The following FAM124B variants were observed in gnomAD, a reference collection of about 807,000 sequenced individuals.
FAM124B encodes protein FAM124B.
Under a neutral mutation model 19.7 loss-of-function variants are expected in FAM124B, and 18 were observed. The ratio of observed to expected loss-of-function variants is 0.92; its 90% CI spans 0.63 to 1.36. The LOEUF (loss-of-function observed/expected upper bound fraction) is 1.36. Ranked by LOEUF, FAM124B falls within the 40% of genes most tolerant of loss-of-function variation. The probability of loss-of-function intolerance (pLI) is 0.00; values close to 1 mark genes in which losing one functional copy is unlikely to be tolerated. For synonymous variants in FAM124B, 223 were observed against 225.2 expected (o/e 0.99, Z 0.09); for missense variants, 540 against 553.3 (o/e 0.98, Z 0.24).
chr2:224,397,982 A>C (rs889337120), intron 1 of FAM124B, among the ~76,000 whole-genome samples: 2 of 152,196 alleles, frequency 1.3e-5, no homozygotes, highest in Non-Finnish European at 2.9e-5. Context: ...GTAAGATGCG[A>C]CTGCTCCTCC....
At chr2:224,400,382 T>A (rs1482618588) in intron 1 of FAM124B, 1 of 671,836 alleles carries the variant, frequency 1.5e-6, no homozygotes, top group Non-Finnish European at 2.7e-6. Flanking sequence ...GGCACGTGCC[T>A]GTAGTCCCAG....
chr2:224,384,052 A>G (rs981700863), intron 1 of FAM124B, among the ~76,000 whole-genome samples: 3 of 152,214 alleles, frequency 2.0e-5, no homozygotes, highest in African/African-American at 7.2e-5. Flanking sequence ...TCAGATCATA[A>G]TGAAATTGGT....
intron 1 of FAM124B, among the ~76,000 whole-genome samples, chr2:224,389,255 G>A (rs1160772153): frequency 6.6e-6 from 1 of 152,188 alleles, no homozygotes; most frequent in Non-Finnish European, 1.5e-5. Flanking sequence ...TCTAGTAGGG[G>A]TCTGATGTGA....
intron 1 of FAM124B, among the ~76,000 whole-genome samples, chr2:224,382,172 T>C (rs1689732149): frequency 6.6e-6 from 1 of 152,166 alleles, no homozygotes; most frequent in South Asian, 2.1e-4. Flanking sequence ...TATCTGAGGG[T>C]TTGCCGGCCA....
At chr2:224,380,742 T>C (rs1574569596) in intron 1 of FAM124B, among the ~76,000 whole-genome samples, 2 of 152,214 alleles carry the variant, frequency 1.3e-5, no homozygotes, top group South Asian at 4.1e-4. Flanking sequence ...AGACGGCTAA[T>C]AATTTGGCAG....
rs1433476819 is a variant in FAM124B, at chr2:224,401,379, C to G, written c.390G>C (p.Gln130His). Residue 130 changes from glutamine (Q) to histidine (H), a missense_variant, in exon 1 of 2, where the codon CAG becomes CAC. Physicochemically the swap from Gln to His is conservative, Grantham distance 24 (BLOSUM62 0). Transcript: ENST00000409685. The stretch of plus-strand genomic sequence containing the variant: ...TCAGGATCTCGGAGCCACAGTGCAC[C>G]TGCCTCACCCCCCAGATGGGCAGCT... ...DSQLPIWGVR[Q>H]VHCGSEILRV... The G allele has an allele frequency of 6.2e-7, 1 of 1,614,094 alleles. No homozygotes were observed. Among genetic ancestry groups the G allele is most frequent in the Admixed American group, 1.7e-5 (1 of 60,002 alleles).
intron 1 of FAM124B, among the ~76,000 whole-genome samples, chr2:224,392,035 G>T (rs182001208): frequency 6.6e-6 from 1 of 152,164 alleles, no homozygotes; most frequent in Non-Finnish European, 1.5e-5. Flanking sequence ...AACATATGTT[G>T]TAATCTTAAA....
chr2:224,391,369 G>T (rs980182692), intron 1 of FAM124B, among the ~76,000 whole-genome samples: 1 of 149,694 alleles, frequency 6.7e-6, no homozygotes, highest in East Asian at 2.0e-4. Flanking sequence ...AGAAAGAAAC[G>T]TTCGTTGGTA....
chr2:224,400,196 C>T (rs1223323985), intron 1 of FAM124B: 1 of 339,074 alleles, frequency 2.9e-6, no homozygotes, highest in Non-Finnish European at 5.3e-6. Flanking sequence ...CAATATGGCA[C>T]ATGTATACCT....
Position 224,380,098 on chromosome 2 carries a change from C to T in FAM124B, c.843G>A (p.Arg281=), listed in dbSNP as rs952194895. Residue 281 remains arginine, a synonymous_variant, in exon 2 of 2, where the codon AGG becomes AGA. Transcript: ENST00000409685. Reference sequence around the variant, plus strand: ...ACCTCTTGCCCTGGTTCCTCTGGCTCCTGGGTTCTGAGGTCCTCTTTGCAG... The same window carrying T: ...ACCTCTTGCCCTGGTTCCTCTGGCTTCTGGGTTCTGAGGTCCTCTTTGCAG... ...SVSAKRTSEP[R]SQRNQGKRSQ... The T allele has an allele frequency of 1.3e-6, 2 of 1,551,600 alleles. No homozygotes were observed. The highest frequency in any genetic ancestry group is 2.0e-5 in the Admixed American group (1 of 50,988).
chr2:224,401,043 C>G lies in FAM124B; in HGVS notation c.726G>C (p.Leu242=), dbSNP rs758625841. 6.3e-7 allele frequency: 1 copy of G among 1,592,788 alleles called. No homozygotes were observed. Among genetic ancestry groups the G allele is most frequent in the Non-Finnish European group, 8.6e-7 (1 of 1,168,026 alleles). Residue 242 remains leucine, a synonymous_variant, in exon 1 of 2, where the codon CTG becomes CTC. Coordinates refer to ENST00000409685, the MANE Select transcript of FAM124B (RefSeq NM_001122779.2). ...QTQDYDGNKI[L]LQVQLNPELG... is the part of the protein sequence containing the mutation. ...TGAGACAAAACAGAAATACCTGAAG[C>G]AGAATCTTGTTGCCATCGTAGTCCT...
intron 1 of FAM124B, among the ~76,000 whole-genome samples, chr2:224,391,356 AAAAG>A (rs1430477951): frequency 1.3e-5 from 2 of 151,438 alleles, no homozygotes; most frequent in Non-Finnish European, 2.9e-5. Context: ...AAAAAAAAAA[AAAAG>A]AAAGAAACGT....
At chr2:224,385,315 T>C (rs1411438960) in intron 1 of FAM124B, among the ~76,000 whole-genome samples, 1 of 152,232 alleles carries the variant, frequency 6.6e-6, no homozygotes, top group Admixed American at 6.5e-5. Flanking sequence ...CTCTTTATCC[T>C]GAAGTCTTTT....
At chr2:224,381,813 T>C (rs999950336) in intron 1 of FAM124B, among the ~76,000 whole-genome samples, 2 of 152,234 alleles carry the variant, frequency 1.3e-5, no homozygotes, top group Admixed American at 6.5e-5. Flanking sequence ...CTGTTCTTTC[T>C]GCTTAATTCT....
In FAM124B at chr2:224,401,394, G is replaced by T. The variant is rs545145666; in HGVS notation, c.375C>A (p.Ile125=). ...CACAGTGCACCTGCCTCACCCCCCA[G>T]ATGGGCAGCTGACTGTCCAGGCTGT... ...EFYSLDSQLP[I]WGVRQVHCGS... Residue 125 remains isoleucine (I), a synonymous_variant, in exon 1 of 2, where the codon ATC becomes ATA. Coordinates refer to ENST00000409685, the MANE Select transcript of FAM124B (RefSeq NM_001122779.2). 1.9e-6 allele frequency: 3 copies of T among 1,614,070 alleles called. No homozygotes were observed. In the East Asian group the frequency reaches 6.7e-5, roughly 36 times the overall value.
At chr2:224,398,804 C>T (rs1025653488) in intron 1 of FAM124B, among the ~76,000 whole-genome samples, 1 of 152,126 alleles carries the variant, frequency 6.6e-6, no homozygotes, top group African/African-American at 2.4e-5. Context: ...AGTGAAACCC[C>T]ATCTCCACTA....
chr2:224,401,324 A>G lies in FAM124B; in HGVS notation c.445T>C (p.Tyr149His). 1.2e-6 allele frequency: 2 copies of G among 1,614,046 alleles called. No individual in the cohort carries two copies. Among genetic ancestry groups the G allele is most frequent in the Non-Finnish European group, 1.7e-6 (2 of 1,180,008 alleles). Residue 149 changes from tyrosine (Y) to histidine (H), a missense_variant, in exon 1 of 2, where the codon TAT (tyrosine) becomes CAT (histidine). Coordinates refer to ENST00000409685, the MANE Select transcript of FAM124B (RefSeq NM_001122779.2). Reference protein sequence around the residue: ...RVTLYCSFDNYEDAIRLYEMI... With the variant: ...RVTLYCSFDNHEDAIRLYEMI... ...TCGTAGAGTCTGATGGCGTCTTCAT[A>G]GTTATCAAAACTGCAGTACAGCGTC...
At chr2:224,381,435 G>A (rs796280944) in intron 1 of FAM124B, among the ~76,000 whole-genome samples, 5 of 151,926 alleles carry the variant, frequency 3.3e-5, no homozygotes, top group African/African-American at 1.2e-4. Flanking sequence ...CAGCCTGGGT[G>A]ACAGAGAGAG....
At chr2:224,389,191 C>CA (rs1689843330) in intron 1 of FAM124B, among the ~76,000 whole-genome samples, 1 of 152,154 alleles carries the variant, frequency 6.6e-6, no homozygotes, top group African/African-American at 2.4e-5. Context: ...CTCGGCCTCC[C>CA]AAAGTGCTGG....
Sources: gnomAD v4.1 joint callset for allele counts (sites outside exome capture counted in the v4.1 genomes callset) on GRCh38, gnomAD v4.1.1 for gene constraint, MANE v1.5 for transcripts, NCBI Gene and HGNC (gene_info 2026-07-23, HGNC 2026-07-21) for gene names.